Variants in PSMD6 observed in about 807,000 individuals in gnomAD.
PSMD6 encodes 26S proteasome non-ATPase regulatory subunit 6.
In PSMD6, 7 loss-of-function variants were observed where a neutral mutation model predicts 44.9. The ratio of observed to expected loss-of-function variants is 0.16; its 90% confidence interval spans 0.09 to 0.29. The LOEUF (loss-of-function observed/expected upper bound fraction) is 0.29, where lower values mean the gene tolerates loss of function less well. Among genes scored for constraint, PSMD6 ranks in the 10% least tolerant of loss-of-function variants. The probability of loss-of-function intolerance (pLI) is 1.00; values close to 1 mark genes in which losing one functional copy is unlikely to be tolerated. For synonymous variants in PSMD6, 184 were observed against 172.7 expected, an observed-to-expected ratio of 1.07 and a Z score of -0.51; for missense variants, 420 against 482.6, an observed-to-expected ratio of 0.87 and a Z score of 1.21.
intron 1 of PSMD6, 127 bp from the exon 2 acceptor site, chr3:64,022,650 C>T (rs2076150847): frequency 1.9e-6 from 3 of 1,551,288 alleles, no homozygotes; most frequent in South Asian, 1.2e-5. Flanking sequence ...AACAGGAAGG[C>T]ATGCGATGGC....
In PSMD6 at chr3:64,018,822, T is replaced by C. The variant is rs756503617; in HGVS notation, c.713A>G (p.Glu238Gly). The change falls in exon 4 of 8, where the codon GAA becomes GGA. Residue 238 changes from glutamate (E) to glycine (G), a missense_variant. Physicochemically the swap from Glu to Gly is moderately conservative, Grantham distance 98. Coordinates refer to ENST00000295901, the MANE Select transcript of PSMD6 (RefSeq NM_014814.3). ...MIALERPDLR[E>G]KVIKGAEILE... ...GTATTAAAGTTTGGTCATTACCTTT[T>C]CCCTGAGATCTGGTCTTTCTAAGGC... 6.4e-7 allele frequency: 1 copy of C among 1,573,670 alleles called. No homozygotes were observed. The highest frequency in any genetic ancestry group is 8.7e-7 in the Non-Finnish European group (1 of 1,144,150).
At chr3:64,013,400 C>CTTTAAAGTTGCCTTTTAATTGAAGT in intron 6 of PSMD6, 39 bp downstream of exon 6, 1 of 1,483,342 alleles carries the variant, frequency 6.7e-7, no homozygotes, top group Non-Finnish European at 9.0e-7. Flanking sequence ...TAAAAGGCAA[C>CTTTAAAGTTGCCTTTTAATTGAAGT]TTTAAAACTT....
Position 64,019,383 on chromosome 3 carries a change from C to T in PSMD6, c.410G>A (p.Arg137Gln), listed in dbSNP as rs941469317. The T allele has an allele frequency of 1.4e-5, 22 of 1,610,896 alleles. No individual in the cohort carries two copies. Among genetic ancestry groups the T allele is most frequent in the Non-Finnish European group, 1.8e-5 (21 of 1,177,248 alleles). ...AAGGAGATAGAATACAATATCCAAT[C>T]GGTGACCCAGGGCCACAGTTTTGTC... Reference protein sequence around the residue: ...TYDKTVALGHRLDIVFYLLRI... With the variant: ...TYDKTVALGHQLDIVFYLLRI... The change falls in exon 3 of 8, where the codon CGA becomes CAA. Residue 137 changes from arginine (R) to glutamine (Q), a missense_variant. By Grantham distance (43) the Arg-to-Gln change is conservative. Around this residue, in one of 4 missense-constraint regions of PSMD6, gnomAD observed 216 missense variants for 227.0 expected, o/e 0.95. Transcript: ENST00000295901.
At position 64,018,876 on chromosome 3, in the gene PSMD6, A is replaced by G. The variant is rs139381143; in HGVS notation, c.659T>C (p.Val220Ala). 6.3e-7 allele frequency: 1 copy of G among 1,599,254 alleles called. No individual in the cohort carries two copies. Among genetic ancestry groups the G allele is most frequent in the African/African-American group, 1.3e-5 (1 of 74,562 alleles). Residue 220 changes from valine (V) to alanine (A), a missense_variant, in exon 4 of 8, where the codon GTG becomes GCG. By Grantham distance (64) the Val-to-Ala change is moderately conservative. Transcript: ENST00000295901. ...CATACTGACATAGACAGTATAAGTC[A>G]CAAATGTTTTATAATCCATGAGTTC... ...SYELMDYKTFVTYTVYVSMIA... is the reference protein window; with the variant it reads ...SYELMDYKTFATYTVYVSMIA...
At chr3:64,012,323 G>A (rs1483254104) in intron 6 of PSMD6, 2 of 151,950 alleles carry the variant, frequency 1.3e-5, no homozygotes, top group African/African-American at 4.8e-5. Flanking sequence ...CTACATGTGG[G>A]AGCCACTGAT....
chr3:64,010,999 T>A, intron 6 of PSMD6, 44 bp from the exon 7 acceptor site: 3 of 1,483,004 alleles, frequency 2.0e-6, no homozygotes, highest in Non-Finnish European at 2.8e-6. Flanking sequence ...TTATAGAAAA[T>A]TCTTAGAAAA....
chr3:64,014,522 G>A (rs2076014266), intron 5 of PSMD6: 1 of 152,106 alleles, frequency 6.6e-6, no homozygotes, highest in Non-Finnish European at 1.5e-5. Flanking sequence ...AAAGTCTGAA[G>A]GCAGGAAAAG....
intron 2 of PSMD6, 119 bp from the exon 3 acceptor site, chr3:64,019,560 G>T: frequency 9.5e-7 from 1 of 1,051,622 alleles, no homozygotes; most frequent in Non-Finnish European, 1.3e-6. Context: ...AGTACAACAA[G>T]ATGGCCATTA....
At chr3:64,011,057 G>T in intron 6 of PSMD6, 102 bp from the exon 7 acceptor site, 2 of 977,136 alleles carry the variant, frequency 2.0e-6, no homozygotes, top group Non-Finnish European at 1.5e-6. Context: ...CAAACATTTA[G>T]CTTCCCTTCA....
intron 5 of PSMD6, chr3:64,016,317 C>T (rs1047628139): frequency 6.6e-6 from 1 of 151,914 alleles, no homozygotes; most frequent in South Asian, 2.1e-4. Context: ...AGATACAAAA[C>T]CTTTCACTTT....
At chr3:64,023,035 C>G (rs949042534) in intron 1 of PSMD6, 3 of 1,427,620 alleles carry the variant, frequency 2.1e-6, no homozygotes, top group Middle Eastern at 2.6e-4. Context: ...ACGATTCTCC[C>G]CCAAGCTGCC....
chr3:64,015,040 G>A (rs1299750801), intron 5 of PSMD6: 1 of 152,166 alleles, frequency 6.6e-6, no homozygotes, highest in East Asian at 1.9e-4. Context: ...GGCAGATAAA[G>A]ATAAGCAAGG....
At chr3:64,013,265 G>A in intron 6 of PSMD6, 174 bp downstream of exon 6, 2 of 555,048 alleles carry the variant, frequency 3.6e-6, no homozygotes, top group Non-Finnish European at 6.1e-6. Flanking sequence ...GACATGACAT[G>A]AGGAAGGCAG....
intron 2 of PSMD6, 138 bp downstream of exon 2, chr3:64,022,180 C>G: frequency 1.1e-6 from 1 of 926,658 alleles, no homozygotes; most frequent in Non-Finnish European, 1.6e-6. Flanking sequence ...TACATTGATT[C>G]ACCAGTACAA....
chr3:64,014,291 CTAGA>C (rs1177574445), intron 5 of PSMD6: 7 of 152,274 alleles, frequency 4.6e-5, no homozygotes, highest in South Asian at 2.1e-4. Flanking sequence ...TATCACTACT[CTAGA>C]TAGTTATATG....
chr3:64,011,397 ATATC>A (rs1261403851), intron 6 of PSMD6: 1 of 152,640 alleles, frequency 6.6e-6, no homozygotes, highest in East Asian at 1.9e-4. Flanking sequence ...CCTCTCTAAC[ATATC>A]TTAGTCTAAA....
intron 5 of PSMD6, chr3:64,017,652 A>G (rs1234982838): frequency 2.0e-5 from 3 of 152,226 alleles, no homozygotes; most frequent in Non-Finnish European, 1.5e-5. Context: ...CTGTTCCTAC[A>G]TTACCTGAGG....
intron 1 of PSMD6, 115 bp from the exon 2 acceptor site, chr3:64,022,638 C>A (rs780092222): frequency 4.5e-6 from 7 of 1,565,112 alleles, no homozygotes; most frequent in Non-Finnish European, 8.6e-7. Flanking sequence ...CTCTTCCCCA[C>A]TAACAGGAAG....
intron 6 of PSMD6, chr3:64,012,048 G>A (rs573923292): frequency 8.1e-6 from 1 of 122,840 alleles, no homozygotes; most frequent in Non-Finnish European, 1.8e-5. Flanking sequence ...TTTTGGTAGG[G>A]ATCATTTAAA....
Sources: allele counts gnomAD v4.1 joint callset, GRCh38; gene constraint gnomAD v4.1.1; regional missense constraint gnomAD v4.1.1; transcripts MANE v1.5; gene names NCBI Gene and HGNC (gene_info 2026-07-23, HGNC 2026-07-21).